The following STRN variants were observed in gnomAD, a reference collection of about 807,000 sequenced individuals.
The protein encoded by STRN is protein phosphatase 2 regulatory subunit B'''alpha.
In STRN, 53 loss-of-function variants were observed where a neutral mutation model predicts 96.3. That is an observed-to-expected ratio of 0.55 (90% confidence interval 0.44 to 0.69). The LOEUF is 0.69. STRN is among the 30% of genes least tolerant of loss of function. The pLI, the probability that STRN is intolerant of heterozygous loss-of-function variation, is 0.00. For missense variants in STRN, 987 were observed against 963.9 expected, an observed-to-expected ratio of 1.02 and a Z score of -0.32; for synonymous variants, 428 against 355.9, an observed-to-expected ratio of 1.20 and a Z score of -2.28.
chr2:36,941,643 G>A (rs1228777518), intron 1 of STRN, among the ~76,000 whole-genome samples: 10 of 151,046 alleles, frequency 6.6e-5, no homozygotes, highest in South Asian at 4.2e-4. Context: ...TCTGCCTCCC[G>A]GGTTCAAGCA....
At chr2:36,922,954 C>A (rs1329194430) in intron 2 of STRN, among the ~76,000 whole-genome samples, 5 of 151,816 alleles carry the variant, frequency 3.3e-5, no homozygotes, top group African/African-American at 1.2e-4. Context: ...CCATCCCAGT[C>A]AACATGGTGA....
chr2:36,937,874 G>A (rs1358218235), intron 1 of STRN, among the ~76,000 whole-genome samples: 3 of 151,996 alleles, frequency 2.0e-5, no homozygotes, highest in African/African-American at 7.2e-5. Flanking sequence ...GGAAGAAAAA[G>A]TGTATTCTTT....
chr2:36,915,608 A>G (rs1670075888), intron 3 of STRN, among the ~76,000 whole-genome samples: 2 of 152,240 alleles, frequency 1.3e-5, no homozygotes, highest in South Asian at 4.1e-4. Flanking sequence ...CCTGTGGACA[A>G]GAAAGACCAA....
chr2:36,924,280 C>A (rs1343691495), intron 2 of STRN, among the ~76,000 whole-genome samples: 1 of 143,236 alleles, frequency 7.0e-6, no homozygotes. Context: ...GGTGTGAACC[C>A]GGGAGGTGGA....
chr2:36,856,201 T>A (rs1668339684), intron 14 of STRN, among the ~76,000 whole-genome samples: 1 of 152,232 alleles, frequency 6.6e-6, no homozygotes, highest in African/African-American at 2.4e-5. Flanking sequence ...ACTGGAATGC[T>A]CATACACTGC....
chr2:36,892,797 GATC>G (rs1437583617), intron 7 of STRN, among the ~76,000 whole-genome samples: 2 of 152,192 alleles, frequency 1.3e-5, no homozygotes, highest in African/African-American at 4.8e-5. Flanking sequence ...GAGGCAGGCA[GATC>G]ACCTGATGTT....
intron 3 of STRN, among the ~76,000 whole-genome samples, chr2:36,914,979 C>A (rs957959734): frequency 2.0e-5 from 3 of 151,526 alleles, no homozygotes; most frequent in Admixed American, 2.0e-4. Context: ...GGGCGGATCC[C>A]GAGGTCAGGA....
At chr2:36,918,423 A>G (rs1427787008) in intron 2 of STRN, among the ~76,000 whole-genome samples, 1 of 152,048 alleles carries the variant, frequency 6.6e-6, no homozygotes, top group Non-Finnish European at 1.5e-5. Flanking sequence ...TTTTAAAATA[A>G]TAGTAGCAAT....
chr2:36,884,858 A>G (rs1669178262), intron 8 of STRN, among the ~76,000 whole-genome samples: 2 of 152,162 alleles, frequency 1.3e-5, no homozygotes, highest in Admixed American at 6.6e-5. Context: ...TTATAACTCA[A>G]TGCTTTATAT....
Position 36,925,125 on chromosome 2 carries a change from C to T in STRN, c.318G>A (p.Glu106=). ...ATTACCTTTCCTGTTTAAGAGCATACTCCAACATTTTGATCCTCCTCACAA... is the reference window on the plus strand; with the variant it reads ...ATTACCTTTCCTGTTTAAGAGCATATTCCAACATTTTGATCCTCCTCACAA... ...KDLVRRIKML[E]YALKQERAKY... The change falls in exon 2 of 18, where the codon GAG becomes GAA. Residue 106 remains glutamate, a synonymous_variant. Transcript: ENST00000263918. 1.2e-6 allele frequency: 2 copies of T among 1,613,160 alleles called. No individual in the cohort carries two copies. Among genetic ancestry groups the T allele is most frequent in the Non-Finnish European group, 1.7e-6 (2 of 1,179,204 alleles).
chr2:36,856,387 G>A (rs1368560052), intron 14 of STRN, among the ~76,000 whole-genome samples: 1 of 152,006 alleles, frequency 6.6e-6, no homozygotes, highest in African/African-American at 2.4e-5. Context: ...AAAAACTAGA[G>A]ACAACCCAAA....
At chr2:36,966,012 T>G in intron 1 of STRN, among the ~76,000 whole-genome samples, 1 of 147,752 alleles carries the variant, frequency 6.8e-6, no homozygotes, top group African/African-American at 2.5e-5. Flanking sequence ...GTGGGGAGGG[T>G]AAACAACGCA....
intron 15 of STRN, among the ~76,000 whole-genome samples, chr2:36,853,889 G>A (rs1327274808): frequency 6.6e-6 from 1 of 152,014 alleles, no homozygotes; most frequent in African/African-American, 2.4e-5. Flanking sequence ...AAAATGTCAG[G>A]ACATATTACA....
Position 36,843,267 on chromosome 2 carries a change from T to C in STRN, c.*6189A>G, listed in dbSNP as rs1667991325. ...TCAAGGATATCAGAAGAGATGCCTT[T>C]TAAATTTCATATTGTATTGTGGATC... On this transcript the variant is annotated 3_prime_UTR_variant, in exon 18 of 18. Coordinates refer to ENST00000263918, the MANE Select transcript of STRN (RefSeq NM_003162.4). Among the ~76,000 whole-genome samples the C allele has an allele frequency of 6.6e-6, 1 of 152,146 alleles. No homozygotes were observed. The highest frequency in any genetic ancestry group is 2.1e-4 in the South Asian group (1 of 4,828).
At chr2:36,866,584 G>A (rs1191981204) in intron 12 of STRN, among the ~76,000 whole-genome samples, 3 of 152,102 alleles carry the variant, frequency 2.0e-5, no homozygotes, top group Admixed American at 6.6e-5. Context: ...TTCAGGTCCC[G>A]AATATTTTAG....
At chr2:36,953,345 T>C (rs1664805127) in intron 1 of STRN, among the ~76,000 whole-genome samples, 1 of 152,142 alleles carries the variant, frequency 6.6e-6, no homozygotes, top group Non-Finnish European at 1.5e-5. Context: ...ATTTTCCTTC[T>C]TCCATATCAA....
At chr2:36,874,384 T>C (rs181354220) in intron 10 of STRN, among the ~76,000 whole-genome samples, 53 of 150,256 alleles carry the variant, frequency 3.5e-4, no homozygotes, top group Non-Finnish European at 6.7e-4. Flanking sequence ...ATAAAGGGAA[T>C]AGGAGACAGA....
chr2:36,944,243 T>C (rs1410137594), intron 1 of STRN, among the ~76,000 whole-genome samples: 1 of 152,102 alleles, frequency 6.6e-6, no homozygotes, highest in Non-Finnish European at 1.5e-5. Flanking sequence ...ACAAAAGCAA[T>C]GCAGATATAA....
At position 36,847,251 on chromosome 2, in the gene STRN, G is replaced by C. The variant is rs772613792; in HGVS notation, c.*2205C>G. The C allele has an allele frequency of 2.0e-5, 3 of 152,146 alleles. No individual in the cohort carries two copies. Among genetic ancestry groups the C allele is most frequent in the Non-Finnish European group, 4.4e-5 (3 of 68,018 alleles). 9.4% of individuals were successfully genotyped at this position (152,146 alleles called of 1,614,324 possible). On this transcript the variant is annotated 3_prime_UTR_variant, in exon 18 of 18. Transcript: ENST00000263918. Reference sequence around the variant, plus strand: ...ACCATGAAGCATAAAATGAACGGGGGAAGAATGTCCTGGTTTTTAGAATTT... The same window carrying C: ...ACCATGAAGCATAAAATGAACGGGGCAAGAATGTCCTGGTTTTTAGAATTT...
Sources: gnomAD v4.1 joint callset for allele counts (sites outside exome capture counted in the v4.1 genomes callset) on GRCh38, gnomAD v4.1.1 for gene constraint, MANE v1.5 for transcripts, NCBI Gene and HGNC (gene_info 2026-07-23, HGNC 2026-07-21) for gene names.